UBE2U: variants seen among roughly 807,000 people sequenced by gnomAD.
The protein encoded by UBE2U is ubiquitin conjugating enzyme E2 U.
UBE2U carries 39 observed loss-of-function variants against 41.2 expected under a neutral mutation model. The ratio of observed to expected loss-of-function variants is 0.95; its 90% CI spans 0.73 to 1.24. The LOEUF (loss-of-function observed/expected upper bound fraction) is 1.24, where lower values mean the gene tolerates loss of function less well. Ranked by LOEUF, UBE2U falls within the 50% of genes most tolerant of loss-of-function variation. The pLI, the probability that UBE2U is intolerant of heterozygous loss-of-function variation, is 0.00. For missense variants in UBE2U, 336 were observed against 363.1 expected (o/e 0.93, Z 0.61); for synonymous variants, 107 against 117.8 (o/e 0.91, Z 0.60).
chr1:64,232,048 A>G (rs1341513280), intron 6 of UBE2U, among the ~76,000 whole-genome samples: 1 of 152,222 alleles, frequency 6.6e-6, no homozygotes, highest in Non-Finnish European at 1.5e-5. Flanking sequence ...ACCCAGGAGT[A>G]TTAGAAAAGA....
chr1:64,219,601 T>TC (rs1652281405), intron 5 of UBE2U, among the ~76,000 whole-genome samples: 2 of 151,832 alleles, frequency 1.3e-5, no homozygotes, highest in South Asian at 4.2e-4. Context: ...TTTTTTTTTT[T>TC]TTAGACGGAG....
At chr1:64,250,950 T>C (rs1056095794) in intron 8 of UBE2U, among the ~76,000 whole-genome samples, 3 of 149,624 alleles carry the variant, frequency 2.0e-5, no homozygotes, top group Non-Finnish European at 4.5e-5. Flanking sequence ...CATTAGGAGA[T>C]ACACCTAATG....
At chr1:64,222,950 A>G (rs972736167) in intron 6 of UBE2U, among the ~76,000 whole-genome samples, 4 of 152,174 alleles carry the variant, frequency 2.6e-5, no homozygotes, top group African/African-American at 9.7e-5. Context: ...GGGGGAATCT[A>G]GTTGATGTTC....
chr1:64,220,927 A>G lies in UBE2U; in HGVS notation c.506+20A>G, dbSNP rs368057912. On this transcript the variant is annotated intron_variant, in intron 6 of 9. Transcript: ENST00000371077. ...TATCAGGTAAGTTTTTCTTTATACA[A>G]TTTATGTCGATTTATTTACCAAAAG... 2.8e-5 allele frequency: 43 copies of G among 1,526,422 alleles called. No individual in the cohort carries two copies. The African/African-American group carries it at 5.3e-4, about 19-fold the overall frequency. 94.6% of individuals were successfully genotyped at this position (1,526,422 alleles called of 1,614,324 possible).
chr1:64,263,686 A>C (rs963752663), intron 9 of UBE2U, among the ~76,000 whole-genome samples: 2 of 152,232 alleles, frequency 1.3e-5, no homozygotes, highest in Non-Finnish European at 2.9e-5. Flanking sequence ...CCTCTTTTGC[A>C]GAGAAGGATG....
intron 6 of UBE2U, among the ~76,000 whole-genome samples, chr1:64,231,336 T>G (rs969889648): frequency 6.6e-6 from 1 of 152,228 alleles, no homozygotes; most frequent in Non-Finnish European, 1.5e-5. Context: ...CTAAATGATC[T>G]GTGACAGCAA....
chr1:64,217,595 C>T (rs939497445), intron 5 of UBE2U, among the ~76,000 whole-genome samples: 2 of 152,002 alleles, frequency 1.3e-5, no homozygotes, highest in African/African-American at 4.8e-5. Flanking sequence ...TTTTTAAAAC[C>T]TTTGGTTGAA....
intron 8 of UBE2U, among the ~76,000 whole-genome samples, chr1:64,259,585 T>C (rs1645149726): frequency 6.6e-6 from 1 of 152,132 alleles, no homozygotes. Flanking sequence ...AGGGAATCCT[T>C]TCCCCATTTC....
chr1:64,223,506 T>C (rs1208234013), intron 6 of UBE2U, among the ~76,000 whole-genome samples: 1 of 152,198 alleles, frequency 6.6e-6, no homozygotes, highest in Non-Finnish European at 1.5e-5. Context: ...CCTGTGGTTT[T>C]TATTTTTTCT....
intron 7 of UBE2U, among the ~76,000 whole-genome samples, chr1:64,240,001 TC>T (rs918007366): frequency 2.6e-5 from 4 of 152,196 alleles, no homozygotes; most frequent in African/African-American, 9.6e-5. Context: ...GTAAAAGTGT[TC>T]CTATTTCTCC....
intron 2 of UBE2U, 128 bp from the exon 3 acceptor site, chr1:64,206,636 T>C (rs1651313874): frequency 9.9e-6 from 6 of 606,100 alleles, no homozygotes; most frequent in Non-Finnish European, 1.7e-5. Context: ...GTGCACTCTA[T>C]GAATCAATTT....
chr1:64,242,850 T>C (rs1201865715), intron 8 of UBE2U, among the ~76,000 whole-genome samples: 3 of 152,198 alleles, frequency 2.0e-5, no homozygotes, highest in African/African-American at 7.2e-5. Context: ...GTTTTAAGTT[T>C]CTTTTAGAGT....
intron 6 of UBE2U, among the ~76,000 whole-genome samples, chr1:64,230,532 C>T (rs553029154): frequency 4.6e-5 from 7 of 152,116 alleles, no homozygotes; most frequent in African/African-American, 1.2e-4. Context: ...CATATGTGCA[C>T]GCCATGCTCT....
intron 7 of UBE2U, among the ~76,000 whole-genome samples, chr1:64,239,660 T>C (rs1644800502): frequency 6.6e-6 from 1 of 151,988 alleles, no homozygotes; most frequent in Non-Finnish European, 1.5e-5. Context: ...AGAATGATGG[T>C]TTCCAGCTTC....
intron 7 of UBE2U, 57 bp from the exon 8 acceptor site, chr1:64,241,595 A>C: frequency 8.0e-7 from 1 of 1,251,112 alleles, no homozygotes; most frequent in East Asian, 2.5e-5. Context: ...ACTTTTAACT[A>C]TTAACTATTA....
At chr1:64,264,723 T>G (rs898780450) in intron 9 of UBE2U, among the ~76,000 whole-genome samples, 1 of 151,974 alleles carries the variant, frequency 6.6e-6, no homozygotes, top group African/African-American at 2.4e-5. Context: ...GAGGCCAAGG[T>G]GGGTGGATCA....
At chr1:64,221,145 C>A (rs1392845567) in intron 6 of UBE2U, among the ~76,000 whole-genome samples, 1 of 152,074 alleles carries the variant, frequency 6.6e-6, no homozygotes, top group Non-Finnish European at 1.5e-5. Flanking sequence ...GAGTTTTGCT[C>A]TTGTCGCCCA....
chr1:64,220,821 C>T (rs1209417743), intron 5 of UBE2U, 38 bp from the exon 6 acceptor site: 2 of 1,525,894 alleles, frequency 1.3e-6, no homozygotes, highest in Non-Finnish European at 1.8e-6. Flanking sequence ...ATTCAATCTC[C>T]AAGTAAACCA....
chr1:64,244,906 T>C (rs1168918708), intron 8 of UBE2U, among the ~76,000 whole-genome samples: 1 of 152,222 alleles, frequency 6.6e-6, no homozygotes, highest in East Asian at 1.9e-4. Flanking sequence ...TCTCAATTAG[T>C]ATTAGGATTA....
Sources: allele counts gnomAD v4.1 joint callset (sites outside exome capture counted in the v4.1 genomes callset), GRCh38; gene constraint gnomAD v4.1.1; transcripts MANE v1.5; gene names NCBI Gene and HGNC (gene_info 2026-07-23, HGNC 2026-07-21).